Variants in WDR64 observed in about 807,000 individuals in gnomAD.
The protein encoded by WDR64 is WD repeat domain 64, also known as WD repeat-containing protein 64.
WDR64 carries 112 observed loss-of-function variants against 139.3 expected under a neutral mutation model. The ratio of observed to expected loss-of-function variants is 0.80; its 90% CI spans 0.69 to 0.94. The LOEUF (loss-of-function observed/expected upper bound fraction) is 0.94. Among genes scored for constraint, WDR64 ranks in the 40% least tolerant of loss-of-function variants. The pLI is 0.00. For synonymous variants in WDR64, 444 were observed against 437.7 expected (o/e 1.01, Z -0.18); for missense variants, 1,206 against 1,293.1 (o/e 0.93, Z 1.03).
At chr1:241,752,942 A>G (rs1174627741) in intron 14 of WDR64, among the ~76,000 whole-genome samples, 1 of 152,224 alleles carries the variant, frequency 6.6e-6, no homozygotes, top group East Asian at 1.9e-4. Context: ...CTCAGTGTCA[A>G]TATCTGGTCA....
At chr1:241,729,585 TCTC>T (rs1489356835) in intron 10 of WDR64, among the ~76,000 whole-genome samples, 1 of 152,174 alleles carries the variant, frequency 6.6e-6, no homozygotes, top group African/African-American at 2.4e-5. Context: ...CTGAAACAAT[TCTC>T]CTCCCATTCC....
chr1:241,676,981 G>A (rs1666582706), intron 4 of WDR64, among the ~76,000 whole-genome samples: 1 of 152,012 alleles, frequency 6.6e-6, no homozygotes, highest in Admixed American at 6.5e-5. Context: ...AAGTTAAGCT[G>A]GAAGTGTAGG....
At chr1:241,714,333 C>T (rs1040137986) in intron 9 of WDR64, among the ~76,000 whole-genome samples, 2 of 152,034 alleles carry the variant, frequency 1.3e-5, no homozygotes, top group East Asian at 3.8e-4. Context: ...AGAAAAAAAT[C>T]AATAAATACA....
intron 2 of WDR64, among the ~76,000 whole-genome samples, chr1:241,663,601 CT>C (rs1446895397): frequency 1.1e-4 from 17 of 152,230 alleles, no homozygotes; most frequent in African/African-American, 2.9e-4. Context: ...TTATGGACCC[CT>C]GGTAGACGAT....
chr1:241,771,057 C>G (rs937659027), intron 18 of WDR64, among the ~76,000 whole-genome samples: 9 of 152,126 alleles, frequency 5.9e-5, no homozygotes, highest in African/African-American at 2.2e-4. Context: ...ACATATGTCA[C>G]AGGGAGAAGA....
intron 8 of WDR64, among the ~76,000 whole-genome samples, chr1:241,695,836 C>T (rs1667461380): frequency 6.6e-6 from 1 of 151,886 alleles, no homozygotes; most frequent in African/African-American, 2.4e-5. Flanking sequence ...ATTCTGAGAC[C>T]AGACATAGTG....
intron 9 of WDR64, 145 bp from the exon 10 acceptor site, chr1:241,723,152 C>T (rs1188236642): frequency 1.9e-6 from 2 of 1,056,886 alleles, no homozygotes; most frequent in Middle Eastern, 2.7e-4. Flanking sequence ...CCCCTTAGCA[C>T]ATCAATCACA....
intron 2 of WDR64, 128 bp downstream of exon 2, chr1:241,660,788 C>T (rs1461292050): frequency 1.8e-5 from 18 of 1,008,670 alleles, no homozygotes; most frequent in Admixed American, 2.5e-5. Flanking sequence ...GTTTCAATAC[C>T]TACACCCATT....
At chr1:241,653,206 C>T (rs1665430257) in intron 1 of WDR64, among the ~76,000 whole-genome samples, 1 of 152,170 alleles carries the variant, frequency 6.6e-6, no homozygotes, top group South Asian at 2.1e-4. Flanking sequence ...GTGTAGTGTA[C>T]AGCTTTGGCG....
chr1:241,718,855 T>C (rs1574038848), intron 9 of WDR64, among the ~76,000 whole-genome samples: 1 of 151,918 alleles, frequency 6.6e-6, no homozygotes, highest in Non-Finnish European at 1.5e-5. Context: ...AGAGGGTGGG[T>C]TGGGGCAGCA....
intron 20 of WDR64, 132 bp from the exon 21 acceptor site, chr1:241,774,971 CAG>C: frequency 1.5e-6 from 1 of 674,274 alleles, no homozygotes; most frequent in Non-Finnish European, 2.5e-6. Flanking sequence ...TCATTACAAA[CAG>C]GGGAATCGTG....
intron 13 of WDR64, 101 bp from the exon 14 acceptor site, chr1:241,749,446 G>A: frequency 7.4e-7 from 1 of 1,359,620 alleles, no homozygotes; most frequent in East Asian, 2.3e-5. Flanking sequence ...AGGATAAATT[G>A]TTGGCAGAAA....
At chr1:241,754,729 C>A (rs568834876) in intron 14 of WDR64, among the ~76,000 whole-genome samples, 4 of 151,780 alleles carry the variant, frequency 2.6e-5, no homozygotes, top group Admixed American at 6.6e-5. Context: ...TAGCCCCCCA[C>A]CCCCTGACAG....
chr1:241,704,915 T>C (rs1667872895), intron 8 of WDR64, among the ~76,000 whole-genome samples: 1 of 152,154 alleles, frequency 6.6e-6, no homozygotes, highest in Non-Finnish European at 1.5e-5. Flanking sequence ...AATGTGAATA[T>C]GATACAACCA....
chr1:241,652,659 T>C (rs147947638), intron 1 of WDR64, 30 bp downstream of exon 1: 12 of 1,547,824 alleles, frequency 7.8e-6, no homozygotes, highest in East Asian at 2.4e-5. Context: ...GATAGTCCAA[T>C]TGGGTCTGTT....
At chr1:241,702,060 G>C (rs892935664) in intron 8 of WDR64, among the ~76,000 whole-genome samples, 1 of 152,132 alleles carries the variant, frequency 6.6e-6, no homozygotes, top group Non-Finnish European at 1.5e-5. Flanking sequence ...ATGGAGTTCT[G>C]TACTAGCAAG....
chr1:241,716,864 A>T (rs762343194), intron 9 of WDR64, among the ~76,000 whole-genome samples: 41 of 152,198 alleles, frequency 2.7e-4, no homozygotes, highest in Non-Finnish European at 5.4e-4. Flanking sequence ...GATTTTCTTC[A>T]CAACGAATAA....
At chr1:241,707,265 A>AC (rs1440471284) in intron 8 of WDR64, among the ~76,000 whole-genome samples, 1 of 152,138 alleles carries the variant, frequency 6.6e-6, no homozygotes, top group Non-Finnish European at 1.5e-5. Flanking sequence ...CTGACTGAGG[A>AC]CCCACTGAGT....
At chr1:241,670,009 A>C (rs1038526702) in intron 2 of WDR64, among the ~76,000 whole-genome samples, 1 of 152,208 alleles carries the variant, frequency 6.6e-6, no homozygotes, top group African/African-American at 2.4e-5. Context: ...TCGTGCATTC[A>C]ACTTTATGAG....
Sources: allele counts gnomAD v4.1 joint callset (sites outside exome capture counted in the v4.1 genomes callset), GRCh38; gene constraint gnomAD v4.1.1; transcripts MANE v1.5; gene names NCBI Gene and HGNC (gene_info 2026-07-23, HGNC 2026-07-21).